Variants in MKLN1 observed in about 807,000 individuals in gnomAD.
The protein encoded by MKLN1 is muskelin 1.
A neutral mutation model predicts 99.0 loss-of-function variants in MKLN1; 18 were observed. The observed-to-expected ratio is 0.18, with a 90% confidence interval of 0.13 to 0.27. The LOEUF (loss-of-function observed/expected upper bound fraction) is 0.27. MKLN1 is among the 10% of genes least tolerant of loss of function. The pLI is 1.00. For synonymous variants in MKLN1, 288 were observed against 293.2 expected, an observed-to-expected ratio of 0.98 and a Z score of 0.18; for missense variants, 621 against 875.9, an observed-to-expected ratio of 0.71 and a Z score of 3.67.
At chr7:131,293,532 A>G (rs1050481877) in intron 3 of MKLN1, among the ~76,000 whole-genome samples, 1 of 152,234 alleles carries the variant, frequency 6.6e-6, no homozygotes, top group Non-Finnish European at 1.5e-5. Context: ...AGTGCCTGGC[A>G]GGGCACCGTG....
At position 131,495,278 on chromosome 7, in the gene MKLN1, GC is replaced by G. The variant is rs1485368819; in HGVS notation, c.*7552del. The G allele has an allele frequency of 6.6e-6, 1 of 152,156 alleles. No homozygotes were observed. Among genetic ancestry groups the G allele is most frequent in the African/African-American group, 2.4e-5 (1 of 41,440 alleles). The allele number at this position is 152,156 out of a possible 1,614,324, so 9.4% of individuals were successfully genotyped here. Reference sequence around the variant, plus strand: ...GAAGAAAGATACAACTTCCTCCATAGCCAATAAAATCTGTCTTTCCAAGTCT... The same window carrying G: ...GAAGAAAGATACAACTTCCTCCATAGCAATAAAATCTGTCTTTCCAAGTCT... On this transcript the variant is annotated 3_prime_UTR_variant, in exon 18 of 18. Coordinates refer to ENST00000352689, the MANE Select transcript of MKLN1 (RefSeq NM_013255.5).
chr7:131,480,413 C>A (rs386323), intron 17 of MKLN1, among the ~76,000 whole-genome samples: 1 of 152,090 alleles, frequency 6.6e-6, no homozygotes, highest in East Asian at 1.9e-4. Context: ...ATATATAATT[C>A]TGGTGCTTTT....
chr7:131,425,506 G>T (rs1436500750), intron 8 of MKLN1, among the ~76,000 whole-genome samples: 1 of 152,132 alleles, frequency 6.6e-6, no homozygotes, highest in Non-Finnish European at 1.5e-5. Context: ...TGGCTAGATT[G>T]TAAGTTCCTT....
intron 16 of MKLN1, among the ~76,000 whole-genome samples, chr7:131,476,319 T>TA (rs1187194753): frequency 6.6e-6 from 1 of 151,962 alleles, no homozygotes. Context: ...GAAAAAGCAA[T>TA]AAAAAACATA....
At chr7:131,439,608 C>G (rs1194739809) in intron 10 of MKLN1, among the ~76,000 whole-genome samples, 2 of 152,108 alleles carry the variant, frequency 1.3e-5, no homozygotes, top group Non-Finnish European at 2.9e-5. Context: ...GTTTATGACA[C>G]TCCAAAAATA....
intron 3 of MKLN1, among the ~76,000 whole-genome samples, chr7:131,284,743 G>A (rs1053700319): frequency 6.6e-6 from 1 of 152,168 alleles, no homozygotes; most frequent in Non-Finnish European, 1.5e-5. Context: ...GTCGCTTAGG[G>A]CAAGGTGCCT....
chr7:131,157,333 G>C (rs1367573815), intron 2 of MKLN1, among the ~76,000 whole-genome samples: 1 of 152,202 alleles, frequency 6.6e-6, no homozygotes, highest in East Asian at 1.9e-4. Flanking sequence ...AGGAGGTCAA[G>C]GCTGCAGTGA....
intron 17 of MKLN1, among the ~76,000 whole-genome samples, chr7:131,481,293 G>T (rs1031728825): frequency 6.6e-6 from 1 of 152,130 alleles, no homozygotes; most frequent in African/African-American, 2.4e-5. Flanking sequence ...GAGGTAATGG[G>T]AATACTTACC....
intron 3 of MKLN1, among the ~76,000 whole-genome samples, chr7:131,239,602 G>T (rs1775610479): frequency 6.6e-6 from 1 of 152,136 alleles, no homozygotes; most frequent in African/African-American, 2.4e-5. Flanking sequence ...ACAGGTGTGA[G>T]CTACCACACC....
chr7:131,466,947 G>A lies in MKLN1; in HGVS notation c.1928+532G>A, dbSNP rs185302819. ...CACGCGCGCGCGCGCACACACGCACGCAGGCACCCTGAGTCATGTTTGATT... is the reference window on the plus strand; with the variant it reads ...CACGCGCGCGCGCGCACACACGCACACAGGCACCCTGAGTCATGTTTGATT... On this transcript the variant is annotated intron_variant, in intron 15 of 17. Coordinates refer to ENST00000352689, the MANE Select transcript of MKLN1 (RefSeq NM_013255.5). 1.5e-3 allele frequency among the ~76,000 whole-genome samples: 229 copies of A among 151,646 alleles called. 1 individual carries two copies. The highest frequency in any genetic ancestry group is 2.7e-3 in the Non-Finnish European group (180 of 67,902).
At position 131,194,296 on chromosome 7, in the gene MKLN1, G is replaced by T. The variant is rs369265745; in HGVS notation, c.-296-8561G>T. Among the ~76,000 whole-genome samples the T allele has an allele frequency of 3.9e-4, 59 of 152,064 alleles. 1 individual carries two copies. Among genetic ancestry groups the T allele is most frequent in the African/African-American group, 1.3e-3 (53 of 41,488 alleles). On this transcript the variant is annotated intron_variant, in intron 2 of 7. Coordinates refer to the MKLN1 transcript ENST00000416992. ...TACGCAATTGCTTCCAACTTCCCCC[G>T]GCAGCCCCTGGCAACCACCAATCTA...
In MKLN1 at chr7:131,317,792, G is replaced by C. The variant is rs185534086; in HGVS notation, c.-178-57632G>C. On this transcript the variant is annotated intron_variant, in intron 3 of 7. Coordinates refer to the MKLN1 transcript ENST00000416992. ...AAAAAAAAAAAAAAAAAAAAGCAGGGGTTGCAATCCTAGTCTCTGATAAAA... is the reference window on the plus strand; with the variant it reads ...AAAAAAAAAAAAAAAAAAAAGCAGGCGTTGCAATCCTAGTCTCTGATAAAA... 5.8e-3 allele frequency among the ~76,000 whole-genome samples: 878 copies of C among 150,106 alleles called. 4 individuals are homozygous for C. The highest frequency in any genetic ancestry group is 9.1e-3 in the Non-Finnish European group (616 of 67,582).
intron 2 of MKLN1, among the ~76,000 whole-genome samples, chr7:131,196,169 A>G (rs1301173499): frequency 6.6e-6 from 1 of 152,158 alleles, no homozygotes; most frequent in Non-Finnish European, 1.5e-5. Context: ...TGTTTTACCT[A>G]TAAAGTTGGG....
intron 1 of MKLN1, among the ~76,000 whole-genome samples, chr7:131,362,721 G>T (rs1250095846): frequency 6.6e-6 from 1 of 151,676 alleles, no homozygotes; most frequent in African/African-American, 2.4e-5. Flanking sequence ...TATTTTAGCG[G>T]TATCTTTTTT....
chr7:131,134,868 C>T (rs1795624213), intron 1 of MKLN1, among the ~76,000 whole-genome samples: 1 of 152,136 alleles, frequency 6.6e-6, no homozygotes, highest in African/African-American at 2.4e-5. Flanking sequence ...TTAAGAAATG[C>T]TGATAGTTAC....
chr7:131,240,010 A>C lies in MKLN1; in HGVS notation c.-179+37036A>C, dbSNP rs546166631. Reference sequence around the variant, plus strand: ...CAGCCTGGGCAACATAGTGAGACCCATCTCTATAAAAAATTTAAAAATTAG... The same window carrying C: ...CAGCCTGGGCAACATAGTGAGACCCCTCTCTATAAAAAATTTAAAAATTAG... On this transcript the variant is annotated intron_variant, in intron 3 of 7. Coordinates refer to the MKLN1 transcript ENST00000416992. Among the ~76,000 whole-genome samples the C allele has an allele frequency of 3.9e-5, 6 of 152,176 alleles. No individual in the cohort carries two copies. In the South Asian group the frequency reaches 1.2e-3, roughly 32 times the overall value.
At chr7:131,210,210 C>T (rs1452447429) in intron 3 of MKLN1, among the ~76,000 whole-genome samples, 1 of 152,078 alleles carries the variant, frequency 6.6e-6, no homozygotes, top group Non-Finnish European at 1.5e-5. Flanking sequence ...CCTTTTAAAT[C>T]TTAGCATAGG....
chr7:131,356,468 C>T (rs765052761), intron 1 of MKLN1, among the ~76,000 whole-genome samples: 2 of 152,086 alleles, frequency 1.3e-5, no homozygotes, highest in Non-Finnish European at 2.9e-5. Context: ...GACCCCAAAT[C>T]TTTGGGGTTA....
intron 2 of MKLN1, among the ~76,000 whole-genome samples, chr7:131,183,211 G>T (rs972920610): frequency 1.3e-5 from 2 of 152,200 alleles, no homozygotes; most frequent in African/African-American, 4.8e-5. Context: ...GTGGCTAGCA[G>T]ATCTTGGTTC....
Sources: allele counts gnomAD v4.1 joint callset (sites outside exome capture counted in the v4.1 genomes callset), GRCh38; gene constraint gnomAD v4.1.1; transcripts MANE v1.5; gene names NCBI Gene and HGNC (gene_info 2026-07-23, HGNC 2026-07-21).